Variants in LINGO2 observed in about 807,000 individuals in gnomAD.
LINGO2 encodes leucine rich repeat and Ig domain containing 2, also known as leucine-rich repeat and immunoglobulin-like domain-containing nogo receptor-interacting protein 2.
LINGO2 carries 14 observed loss-of-function variants against 30.6 expected under a neutral mutation model. The ratio of observed to expected loss-of-function variants is 0.46; its 90% confidence interval spans 0.30 to 0.72. The LOEUF is 0.72. Ranked by LOEUF, LINGO2 falls within the 30% of genes least tolerant of loss-of-function variation. The pLI, the probability that LINGO2 is intolerant of heterozygous loss-of-function variation, is 0.07. For missense variants in LINGO2, 729 were observed against 751.7 expected (o/e 0.97, Z 0.35); for synonymous variants, 317 against 288.5 (o/e 1.10, Z -1.00).
intron 1 of LINGO2, among the ~76,000 whole-genome samples, chr9:28,528,596 C>G (rs897708883): frequency 6.6e-6 from 1 of 152,008 alleles, no homozygotes; most frequent in Non-Finnish European, 1.5e-5. Flanking sequence ...AAAAACACTC[C>G]AGGATATCTT....
At chr9:28,990,778 G>T in the LINGO2 span, among the ~76,000 whole-genome samples, 2 of 152,076 alleles carry the variant, frequency 1.3e-5, no homozygotes, top group Non-Finnish European at 2.9e-5. Context: ...AACTCCAACA[G>T]ACCTGCAGCT....
In LINGO2 at chr9:28,321,762, G is replaced by A. The variant is rs547794154; in HGVS notation, c.-245-26396C>T. On this transcript the variant is annotated intron_variant, in intron 3 of 5. Coordinates refer to ENST00000379992, the Ensembl canonical transcript of LINGO2. ...CAAATTCAGATTGGAAATATATGCTGAACATATTTTAGGTCATGTCCTGGG... is the reference window on the plus strand; with the variant it reads ...CAAATTCAGATTGGAAATATATGCTAAACATATTTTAGGTCATGTCCTGGG... 2.0e-5 allele frequency among the ~76,000 whole-genome samples: 3 copies of A among 152,186 alleles called. No homozygotes were observed. In the South Asian group the frequency reaches 6.2e-4, roughly 32 times the overall value.
the LINGO2 span, among the ~76,000 whole-genome samples, chr9:28,951,914 G>GTGT: frequency 6.6e-6 from 1 of 152,086 alleles, no homozygotes; most frequent in South Asian, 2.1e-4. Context: ...CTCAAAAGAA[G>GTGT]ATATTTACAT....
the LINGO2 span, among the ~76,000 whole-genome samples, chr9:28,865,389 G>A: frequency 2.0e-5 from 3 of 152,068 alleles, no homozygotes; most frequent in Admixed American, 2.0e-4. Flanking sequence ...TCCCAAACTG[G>A]CCCAGGCAAA....
intron 2 of LINGO2, among the ~76,000 whole-genome samples, chr9:28,444,524 A>C (rs999147720): frequency 2.6e-5 from 4 of 152,224 alleles, no homozygotes; most frequent in Non-Finnish European, 4.4e-5. Flanking sequence ...AAGAGAGAAG[A>C]GCTACAGTCC....
intron 1 of LINGO2, among the ~76,000 whole-genome samples, chr9:28,487,714 G>C (rs1826226460): frequency 6.6e-6 from 1 of 152,156 alleles, no homozygotes; most frequent in Non-Finnish European, 1.5e-5. Context: ...CCTTAGGCCT[G>C]AGAATGCTGC....
At chr9:28,052,133 C>T (rs764615049) in intron 4 of LINGO2, among the ~76,000 whole-genome samples, 6 of 151,914 alleles carry the variant, frequency 3.9e-5, no homozygotes, top group African/African-American at 9.7e-5. Flanking sequence ...AATTTTAATT[C>T]GTTAAAGAAG....
intron 4 of LINGO2, among the ~76,000 whole-genome samples, chr9:28,146,080 A>C (rs1158912471): frequency 6.6e-6 from 1 of 152,128 alleles, no homozygotes; most frequent in Admixed American, 6.5e-5. Context: ...ATCTCAAGAG[A>C]AAGTATTTTC....
intron 4 of LINGO2, among the ~76,000 whole-genome samples, chr9:28,073,808 G>T (rs1329558149): frequency 5.3e-5 from 8 of 152,156 alleles, no homozygotes; most frequent in Admixed American, 1.3e-4. Context: ...TAGGAGGATG[G>T]GTTGAGGCCA....
chr9:28,186,896 C>A (rs986715827), intron 4 of LINGO2, among the ~76,000 whole-genome samples: 2 of 152,072 alleles, frequency 1.3e-5, no homozygotes, highest in Non-Finnish European at 2.9e-5. Flanking sequence ...CCAAACTTCA[C>A]AGGGCACGGG....
chr9:28,391,440 T>G (rs1400909279), intron 2 of LINGO2, among the ~76,000 whole-genome samples: 5 of 152,208 alleles, frequency 3.3e-5, no homozygotes, highest in Non-Finnish European at 7.3e-5. Flanking sequence ...AAAACTTCAG[T>G]GCCTGGATTC....
chr9:28,464,923 G>A (rs751908970), intron 2 of LINGO2, among the ~76,000 whole-genome samples: 1 of 152,216 alleles, frequency 6.6e-6, no homozygotes, highest in Non-Finnish European at 1.5e-5. Flanking sequence ...GGGGTGGCTT[G>A]CTTACTCAGC....
At chr9:28,179,816 T>G (rs985588340) in intron 4 of LINGO2, among the ~76,000 whole-genome samples, 2 of 151,328 alleles carry the variant, frequency 1.3e-5, no homozygotes, top group African/African-American at 4.8e-5. Flanking sequence ...CTTTCTCACT[T>G]TTTTCCTCAT....
chr9:29,169,156 C>T, the LINGO2 span, among the ~76,000 whole-genome samples: 1 of 152,056 alleles, frequency 6.6e-6, no homozygotes, highest in Admixed American at 6.6e-5. Context: ...CCATGCTGGC[C>T]AGGCTGGTCT....
At chr9:28,815,931 T>C in the LINGO2 span, among the ~76,000 whole-genome samples, 1 of 152,204 alleles carries the variant, frequency 6.6e-6, no homozygotes, top group Admixed American at 6.5e-5. Flanking sequence ...TGGGTGATTA[T>C]AAACAATAGA....
the LINGO2 span, among the ~76,000 whole-genome samples, chr9:28,831,710 CA>C: frequency 1.3e-5 from 2 of 152,174 alleles, no homozygotes; most frequent in Non-Finnish European, 2.9e-5. Flanking sequence ...ATGGATGACT[CA>C]ATACAGAGAA....
intron 4 of LINGO2, among the ~76,000 whole-genome samples, chr9:28,152,407 T>G (rs1045121093): frequency 2.0e-5 from 3 of 152,134 alleles, no homozygotes; most frequent in African/African-American, 7.2e-5. Context: ...TCTCCTCAGT[T>G]GCAGATGCCA....
chr9:28,906,513 A>C, the LINGO2 span, among the ~76,000 whole-genome samples: 9 of 151,950 alleles, frequency 5.9e-5, no homozygotes, highest in African/African-American at 2.2e-4. Context: ...TTATTAAGTG[A>C]AATAGCCTCA....
At chr9:28,057,532 C>CAT (rs1824983099) in intron 4 of LINGO2, among the ~76,000 whole-genome samples, 1 of 95,568 alleles carries the variant, frequency 1.0e-5, no homozygotes, top group South Asian at 3.3e-4. Context: ...TATATATATA[C>CAT]ACACACACAT....
Sources: allele counts gnomAD v4.1 joint callset (sites outside exome capture counted in the v4.1 genomes callset), GRCh38; gene constraint gnomAD v4.1.1; transcripts MANE v1.5; gene names NCBI Gene and HGNC (gene_info 2026-07-23, HGNC 2026-07-21).